Variants in CADM1 observed in about 807,000 individuals in gnomAD.
CADM1 encodes the protein TSLC-1.
Under a neutral mutation model 53.1 loss-of-function variants are expected in CADM1, and 15 were observed. The ratio of observed to expected loss-of-function variants is 0.28; its 90% confidence interval spans 0.19 to 0.44. CADM1 has a LOEUF of 0.44. Ranked by LOEUF, CADM1 falls within the 20% of genes least tolerant of loss-of-function variation. The pLI is 1.00. For synonymous variants in CADM1, 281 were observed against 243.0 expected (o/e 1.16, Z -1.45); for missense variants, 434 against 611.3 (o/e 0.71, Z 3.06).
intron 1 of CADM1, among the ~76,000 whole-genome samples, chr11:115,439,967 C>T (rs1948273069): frequency 1.3e-5 from 2 of 152,194 alleles, no homozygotes; most frequent in South Asian, 4.1e-4. Context: ...ATAAATTCAG[C>T]TCTACAAGTG....
At chr11:115,207,025 G>C (rs1940732546) in intron 8 of CADM1, among the ~76,000 whole-genome samples, 3 of 151,870 alleles carry the variant, frequency 2.0e-5, no homozygotes, top group Non-Finnish European at 4.4e-5. Context: ...TAATCTGTTT[G>C]GAGAAAGGAG....
intron 1 of CADM1, among the ~76,000 whole-genome samples, chr11:115,376,144 G>A (rs1946431799): frequency 6.6e-6 from 1 of 152,090 alleles, no homozygotes; most frequent in African/African-American, 2.4e-5. Context: ...TCATCTACAA[G>A]CTATAAGACA....
intron 1 of CADM1, among the ~76,000 whole-genome samples, chr11:115,364,424 T>G (rs1946106290): frequency 6.6e-6 from 1 of 152,160 alleles, no homozygotes; most frequent in Non-Finnish European, 1.5e-5. Flanking sequence ...AATCAATTCC[T>G]TCCATGTATT....
At chr11:115,328,489 A>G (rs1284631714) in intron 1 of CADM1, among the ~76,000 whole-genome samples, 2 of 151,368 alleles carry the variant, frequency 1.3e-5, no homozygotes, top group Non-Finnish European at 2.9e-5. Flanking sequence ...TTTAGTGCCT[A>G]CCATGCACCA....
chr11:115,271,571 C>T (rs1001129269), intron 1 of CADM1, among the ~76,000 whole-genome samples: 6 of 152,166 alleles, frequency 3.9e-5, no homozygotes, highest in African/African-American at 7.2e-5. Context: ...CGTGAGCCAC[C>T]GCGCCCAGCC....
rs1210605882 is a variant in CADM1 at position 115,170,699 on chromosome 11, T to G, written c.*5775A>C. 6.6e-6 allele frequency: 1 copy of G among 152,200 alleles called. No homozygotes were observed. The highest frequency in any genetic ancestry group is 1.5e-5 in the Non-Finnish European group (1 of 68,064). The allele number at this position is 152,200 out of a possible 1,614,324, so 9.4% of individuals were successfully genotyped here. A position where few individuals can be genotyped will look rare whatever the true frequency, so the allele number is the denominator to read the frequency against. On this transcript the variant is annotated 3_prime_UTR_variant, in exon 12 of 12. Transcript: ENST00000331581. ...AAGGCAAGGACTATAGTTTGCATTT[T>G]TAAAAGAGGCCATATTGCATTCTGA...
chr11:115,226,401 G>A (rs1046790196), intron 5 of CADM1, among the ~76,000 whole-genome samples: 2 of 152,158 alleles, frequency 1.3e-5, no homozygotes, highest in Non-Finnish European at 2.9e-5. Context: ...GTGAATATGT[G>A]ATTGTATTCA....
At chr11:115,271,799 G>A (rs1185971998) in intron 1 of CADM1, among the ~76,000 whole-genome samples, 1 of 152,194 alleles carries the variant, frequency 6.6e-6, no homozygotes, top group Non-Finnish European at 1.5e-5. Context: ...TTTGAAAAAT[G>A]CTTGGTATAA....
chr11:115,303,527 TACTC>T (rs1441537657), intron 1 of CADM1, among the ~76,000 whole-genome samples: 4 of 152,094 alleles, frequency 2.6e-5, no homozygotes, highest in East Asian at 1.9e-4. Context: ...TTTGTTCACA[TACTC>T]ACTAATTTGC....
chr11:115,462,832 T>C (rs1179764694), intron 1 of CADM1, among the ~76,000 whole-genome samples: 2 of 152,072 alleles, frequency 1.3e-5, no homozygotes, highest in African/African-American at 4.8e-5. Context: ...GGCTAGCACC[T>C]AGACCATCCT....
chr11:115,413,735 C>T (rs1333088367), intron 1 of CADM1, among the ~76,000 whole-genome samples: 1 of 150,606 alleles, frequency 6.6e-6, no homozygotes. Flanking sequence ...ACCTCTGCTT[C>T]CAGGGTTTAA....
intron 1 of CADM1, among the ~76,000 whole-genome samples, chr11:115,468,211 C>T (rs1401884848): frequency 6.6e-6 from 1 of 151,988 alleles, no homozygotes. Flanking sequence ...GAAATAGATA[C>T]ATGTTCATTG....
intron 1 of CADM1, among the ~76,000 whole-genome samples, chr11:115,401,993 C>T (rs182922694): frequency 6.7e-6 from 1 of 150,154 alleles, no homozygotes; most frequent in African/African-American, 2.4e-5. Flanking sequence ...AACACCCCCA[C>T]AAAAAAAAAC....
At chr11:115,227,709 A>C (rs549522420) in intron 5 of CADM1, among the ~76,000 whole-genome samples, 2 of 152,324 alleles carry the variant, frequency 1.3e-5, no homozygotes, top group African/African-American at 2.4e-5. Flanking sequence ...AGATTAAATG[A>C]ATTAACGAGG....
chr11:115,383,607 G>T (rs1320676769), intron 1 of CADM1, among the ~76,000 whole-genome samples: 1 of 152,202 alleles, frequency 6.6e-6, no homozygotes, highest in Non-Finnish European at 1.5e-5. Flanking sequence ...TGCATCAGTG[G>T]CTAAGTACAG....
chr11:115,315,149 C>T (rs1333153768), intron 1 of CADM1, among the ~76,000 whole-genome samples: 2 of 152,086 alleles, frequency 1.3e-5, no homozygotes, highest in Non-Finnish European at 2.9e-5. Flanking sequence ...TTTCCTACGC[C>T]TTTACTAACT....
chr11:115,333,384 C>T (rs1185244057), intron 1 of CADM1, among the ~76,000 whole-genome samples: 2 of 152,132 alleles, frequency 1.3e-5, no homozygotes, highest in African/African-American at 4.8e-5. Flanking sequence ...GCCCAACATG[C>T]CTCCCTGAAA....
chr11:115,423,664 T>G (rs1947817674), intron 1 of CADM1, among the ~76,000 whole-genome samples: 1 of 152,194 alleles, frequency 6.6e-6, no homozygotes, highest in Non-Finnish European at 1.5e-5. Flanking sequence ...CCTTATTAGG[T>G]AATATTGATT....
At chr11:115,376,961 A>G (rs768521352) in intron 1 of CADM1, among the ~76,000 whole-genome samples, 30 of 152,318 alleles carry the variant, frequency 2.0e-4, no homozygotes, top group Non-Finnish European at 3.7e-4. Flanking sequence ...CAAACTTTAG[A>G]CAAGGTTAAT....
Sources: allele counts gnomAD v4.1 joint callset (sites outside exome capture counted in the v4.1 genomes callset), GRCh38; gene constraint gnomAD v4.1.1; transcripts MANE v1.5; gene names NCBI Gene and HGNC (gene_info 2026-07-23, HGNC 2026-07-21).